The following ZBTB8A variants were observed in gnomAD, a reference collection of about 807,000 sequenced individuals.
ZBTB8A encodes zinc finger and BTB domain containing 8A, also known as zinc finger and BTB domain-containing protein 8A.
In ZBTB8A, 19 loss-of-function variants were observed where a neutral mutation model predicts 37.8. The observed-to-expected ratio is 0.50, with a 90% CI of 0.35 to 0.74. The LOEUF is 0.74. Ranked by LOEUF, ZBTB8A falls within the 30% of genes least tolerant of loss-of-function variation. The pLI is 0.01. For missense variants in ZBTB8A, 394 were observed against 537.8 expected (o/e 0.73, Z 2.65); for synonymous variants, 181 against 185.2 (o/e 0.98, Z 0.19).
At chr1:32,541,715 C>T (rs746576980) in intron 1 of ZBTB8A, among the ~76,000 whole-genome samples, 11 of 152,248 alleles carry the variant, frequency 7.2e-5, no homozygotes, top group Non-Finnish European at 1.5e-4. Context: ...CTGCTGTGTC[C>T]TCACGTGGCA....
chr1:32,582,278 G>A (rs1156261735), intron 2 of ZBTB8A, among the ~76,000 whole-genome samples: 1 of 152,072 alleles, frequency 6.6e-6, no homozygotes, highest in Non-Finnish European at 1.5e-5. Flanking sequence ...CTGAACCTAA[G>A]TATAATGGAA....
Position 32,593,282 on chromosome 1 carries a change from T to C in ZBTB8A, c.351T>C (p.Phe117=). Residue 117 remains phenylalanine (F), a synonymous_variant, in exon 3 of 5, where the codon TTT becomes TTC. Transcript: ENST00000373510. ...ATGTCATAAGTGTATGTAAGACTTT[T>C]ATTAAATCTTCCTTAGACATTAGTG... ...MTDVISVCKT[F]IKSSLDISEK... The C allele has an allele frequency of 1.2e-6, 2 of 1,614,194 alleles. No homozygotes were observed. Among genetic ancestry groups the C allele is most frequent in the Non-Finnish European group, 1.7e-6 (2 of 1,180,042 alleles).
Position 32,591,655 on chromosome 1 carries a change from G to A in ZBTB8A, c.-1-1276G>A, listed in dbSNP as rs555061656. 2.5e-4 allele frequency among the ~76,000 whole-genome samples: 38 copies of A among 152,020 alleles called. No homozygotes were observed. In the South Asian group the frequency reaches 7.1e-3, roughly 28 times the overall value. ...TGGCTGGATGCAGTGGCTCATGCCTGTAATCCTAGCATTTTGGGAGGCTGA... is the reference window on the plus strand; with the variant it reads ...TGGCTGGATGCAGTGGCTCATGCCTATAATCCTAGCATTTTGGGAGGCTGA... On this transcript the variant is annotated intron_variant, in intron 2 of 4. Transcript: ENST00000373510.
intron 2 of ZBTB8A, among the ~76,000 whole-genome samples, chr1:32,586,413 G>C (rs1021928955): frequency 2.0e-5 from 3 of 152,254 alleles, no homozygotes; most frequent in Non-Finnish European, 4.4e-5. Context: ...AGCTGTTCAA[G>C]GAGCTGGAAT....
chr1:32,555,250 G>T (rs1030385132), intron 2 of ZBTB8A, among the ~76,000 whole-genome samples: 1 of 152,094 alleles, frequency 6.6e-6, no homozygotes, highest in African/African-American at 2.4e-5. Context: ...TTAGCCGGGC[G>T]TGGTGGCAGG....
Position 32,600,949 on chromosome 1 carries a change from C to T in ZBTB8A, c.*530C>T, listed in dbSNP as rs1644571146. 6.5e-6 allele frequency: 1 copy of T among 152,850 alleles called. No homozygotes were observed. Among genetic ancestry groups the T allele is most frequent in the Non-Finnish European group, 1.5e-5 (1 of 68,868 alleles). 9.5% of individuals were successfully genotyped at this position (152,850 alleles called of 1,614,324 possible). A position where few individuals can be genotyped will look rare whatever the true frequency, so the allele number is the denominator to read the frequency against. On this transcript the variant is annotated 3_prime_UTR_variant, in exon 5 of 5. Transcript: ENST00000373510. ...AGATCTGAAACAACCTGTCATTACTCTGATATCCTGAACGTTTAAGGATTA... is the reference window on the plus strand; with the variant it reads ...AGATCTGAAACAACCTGTCATTACTTTGATATCCTGAACGTTTAAGGATTA...
At chr1:32,577,390 T>C (rs1015588430) in intron 2 of ZBTB8A, among the ~76,000 whole-genome samples, 2 of 151,102 alleles carry the variant, frequency 1.3e-5, no homozygotes, top group Non-Finnish European at 3.0e-5. Context: ...GCTCAGGCAA[T>C]CCACCCGCCT....
At chr1:32,546,265 G>A (rs1277446145) in intron 1 of ZBTB8A, among the ~76,000 whole-genome samples, 3 of 151,992 alleles carry the variant, frequency 2.0e-5, no homozygotes, top group Admixed American at 6.6e-5. Flanking sequence ...CCAACATGGC[G>A]AAACCCTGTC....
At chr1:32,592,504 T>C (rs752415241) in intron 2 of ZBTB8A, among the ~76,000 whole-genome samples, 14 of 151,562 alleles carry the variant, frequency 9.2e-5, no homozygotes, top group African/African-American at 1.7e-4. Context: ...TGTTTGTTTG[T>C]TTTTGGGGTG....
At chr1:32,542,335 CG>C (rs574125492) in intron 1 of ZBTB8A, among the ~76,000 whole-genome samples, 1 of 20,260 alleles carries the variant, frequency 4.9e-5, no homozygotes, top group Non-Finnish European at 9.7e-5. Flanking sequence ...CCTCGGGGGT[CG>C]GGGGGGCGGG....
intron 1 of ZBTB8A, among the ~76,000 whole-genome samples, chr1:32,548,730 TTAA>T (rs1279483152): frequency 3.3e-5 from 5 of 152,098 alleles, no homozygotes; most frequent in Admixed American, 2.6e-4. Context: ...GTTTAGATAA[TTAA>T]TAATAATAAT....
chr1:32,553,396 A>T (rs1307631911), intron 1 of ZBTB8A, 63 bp from the exon 2 acceptor site: 1 of 152,130 alleles, frequency 6.6e-6, no homozygotes, highest in African/African-American at 2.4e-5. Flanking sequence ...TATGTACCTT[A>T]GCAGATCTTT....
intron 2 of ZBTB8A, among the ~76,000 whole-genome samples, chr1:32,589,498 G>C (rs2148247547): frequency 6.6e-6 from 1 of 151,996 alleles, no homozygotes; most frequent in Non-Finnish European, 1.5e-5. Context: ...TGATCCGCCT[G>C]CCTCAGCCTC....
Position 32,592,926 on chromosome 1 carries a change from T to G in ZBTB8A, c.-1-5T>G. 6.3e-7 allele frequency: 1 copy of G among 1,587,792 alleles called. No homozygotes were observed. The highest frequency in any genetic ancestry group is 8.6e-7 in the Non-Finnish European group (1 of 1,168,516). The stretch of plus-strand genomic sequence containing the variant: ...TGGTAACCACATGTGTCTTTTCCTC[T>G]TCAGAATGGAGATCTCCTCTCATCA... On this transcript the variant is annotated splice_polypyrimidine_tract_variant and splice_region_variant and intron_variant, in intron 2 of 4. Transcript: ENST00000373510.
rs772387102 is a variant in ZBTB8A, at chr1:32,600,381, G to C, written c.1288G>C (p.Glu430Gln). 2 of 1,612,846 alleles carry C rather than the reference G, an allele frequency of 1.2e-6. No individual in the cohort carries two copies. Among genetic ancestry groups the C allele is most frequent in the South Asian group, 2.2e-5 (2 of 91,018 alleles). ...CATCCAACAGGTTGATGATAGTGAAGAAGAAGAAGAAAAAGAAATTAAGCC... is the reference window on the plus strand; with the variant it reads ...CATCCAACAGGTTGATGATAGTGAACAAGAAGAAGAAAAAGAAATTAAGCC... ...LVIQQVDDSE[E>Q]EEEKEIKPNI... The change falls in exon 5 of 5, where the codon GAA (glutamate) becomes CAA (glutamine). Residue 430 changes from glutamate (E) to glutamine (Q), a missense_variant. Transcript: ENST00000373510.
rs114793897 is a variant in ZBTB8A at position 32,546,086 on chromosome 1, A to G, written c.-84+6514A>G. Among the ~76,000 whole-genome samples, 1,121 of 152,314 alleles carry G rather than the reference A, an allele frequency of 7.4e-3. 15 individuals are homozygous for G. The highest frequency in any genetic ancestry group is 0.025 in the African/African-American group (1,033 of 41,566). On this transcript the variant is annotated intron_variant, in intron 1 of 4. Coordinates refer to ENST00000373510, the MANE Select transcript of ZBTB8A (RefSeq NM_001040441.3). Reference sequence around the variant, plus strand: ...TAGTCTGGTATAGAGTAGTTGCTCAATAAATATGTCTTGAATAAAATGCGT... The same window carrying G: ...TAGTCTGGTATAGAGTAGTTGCTCAGTAAATATGTCTTGAATAAAATGCGT...
chr1:32,595,982 T>C (rs957315431), intron 4 of ZBTB8A, among the ~76,000 whole-genome samples: 4 of 151,894 alleles, frequency 2.6e-5, no homozygotes, highest in South Asian at 2.1e-4. Context: ...TTAAGAAATA[T>C]GTACAGTTGG....
chr1:32,585,916 T>C (rs1644444870), intron 2 of ZBTB8A, among the ~76,000 whole-genome samples: 1 of 151,808 alleles, frequency 6.6e-6, no homozygotes, highest in South Asian at 2.1e-4. Context: ...GGCAGGAGAA[T>C]TGCTTGAACC....
At chr1:32,595,268 TTTTG>T in intron 4 of ZBTB8A, 45 bp downstream of exon 4, 1 of 1,594,136 alleles carries the variant, frequency 6.3e-7, no homozygotes, top group Non-Finnish European at 8.6e-7. Flanking sequence ...CTTTTTTGGT[TTTTG>T]TTTTTGTTTT....
Sources: gnomAD v4.1 joint callset for allele counts (sites outside exome capture counted in the v4.1 genomes callset) on GRCh38, gnomAD v4.1.1 for gene constraint, MANE v1.5 for transcripts, NCBI Gene and HGNC (gene_info 2026-07-23, HGNC 2026-07-21) for gene names.